The following SLC24A3 variants were observed in gnomAD, a reference collection of about 807,000 sequenced individuals.
SLC24A3 encodes the protein sodium/potassium/calcium exchanger 3.
In SLC24A3, 28 loss-of-function variants were observed where a neutral mutation model predicts 75.8. The observed-to-expected ratio is 0.37, with a 90% confidence interval of 0.27 to 0.51. The LOEUF (loss-of-function observed/expected upper bound fraction) is 0.51, where lower values mean the gene tolerates loss of function less well. Ranked by LOEUF, SLC24A3 falls within the 20% of genes least tolerant of loss-of-function variation. SLC24A3 has a pLI of 0.94. For synonymous variants in SLC24A3, 372 were observed against 334.1 expected (o/e 1.11, Z -1.24); for missense variants, 663 against 847.8 (o/e 0.78, Z 2.71).
intron 8 of SLC24A3, among the ~76,000 whole-genome samples, chr20:19,671,730 C>G (rs1468134741): frequency 2.6e-5 from 4 of 151,788 alleles, no homozygotes; most frequent in African/African-American, 4.8e-5. Flanking sequence ...ATTTAGACTT[C>G]CAGGTGCAGA....
intron 6 of SLC24A3, among the ~76,000 whole-genome samples, chr20:19,604,041 C>T (rs975057900): frequency 1.2e-4 from 19 of 152,178 alleles, no homozygotes; most frequent in Admixed American, 4.6e-4. Context: ...CTTACTCCAT[C>T]GGTGAGTATC....
intron 1 of SLC24A3, among the ~76,000 whole-genome samples, chr20:19,268,564 C>T (rs934373644): frequency 2.6e-5 from 4 of 152,208 alleles, no homozygotes; most frequent in Non-Finnish European, 5.9e-5. Flanking sequence ...GATTCAACTT[C>T]TCCAACAGCT....
At chr20:19,241,477 C>T (rs1280292222) in intron 1 of SLC24A3, among the ~76,000 whole-genome samples, 1 of 152,196 alleles carries the variant, frequency 6.6e-6, no homozygotes, top group African/African-American at 2.4e-5. Context: ...CTCCATTTCT[C>T]CATTCTTGCG....
intron 2 of SLC24A3, among the ~76,000 whole-genome samples, chr20:19,329,565 TTTGA>T (rs374684196): frequency 1.3e-5 from 2 of 152,372 alleles, no homozygotes; most frequent in African/African-American, 4.8e-5. Context: ...CATTATAATG[TTTGA>T]TTGTTTTATT....
chr20:19,303,253 A>T (rs1984240266), intron 2 of SLC24A3, among the ~76,000 whole-genome samples: 1 of 152,152 alleles, frequency 6.6e-6, no homozygotes, highest in Admixed American at 6.5e-5. Flanking sequence ...AAGTGAGAAT[A>T]TGCAGTATTT....
At chr20:19,658,300 C>T (rs2032288052) in intron 7 of SLC24A3, among the ~76,000 whole-genome samples, 1 of 152,072 alleles carries the variant, frequency 6.6e-6, no homozygotes, top group African/African-American at 2.4e-5. Context: ...GTCCTTAAGA[C>T]CTGGATTCAA....
chr20:19,306,525 A>G (rs1462149038), intron 2 of SLC24A3, among the ~76,000 whole-genome samples: 1 of 152,230 alleles, frequency 6.6e-6, no homozygotes, highest in Non-Finnish European at 1.5e-5. Flanking sequence ...CAGGCATAAA[A>G]AAGAATGAAA....
At chr20:19,323,853 GT>G (rs1251916176) in intron 2 of SLC24A3, among the ~76,000 whole-genome samples, 1 of 152,120 alleles carries the variant, frequency 6.6e-6, no homozygotes, top group Admixed American at 6.6e-5. Context: ...GTTTAAAAAA[GT>G]TTTTTTGATA....
At chr20:19,286,083 A>G (rs1983809817) in intron 2 of SLC24A3, among the ~76,000 whole-genome samples, 1 of 152,164 alleles carries the variant, frequency 6.6e-6, no homozygotes, top group African/African-American at 2.4e-5. Flanking sequence ...TCCCTTGATA[A>G]AGGATCATCC....
chr20:19,705,791 G>A (rs139802081), intron 15 of SLC24A3, among the ~76,000 whole-genome samples: 149 of 152,236 alleles, frequency 9.8e-4, no homozygotes, highest in African/African-American at 3.5e-3. Flanking sequence ...ATGGCATTAG[G>A]TTTAAGCATT....
intron 9 of SLC24A3, among the ~76,000 whole-genome samples, chr20:19,676,748 G>A (rs534621399): frequency 6.6e-6 from 1 of 152,316 alleles, no homozygotes; most frequent in Non-Finnish European, 1.5e-5. Context: ...AAACCTTCAA[G>A]GAGCATAAAG....
chr20:19,231,906 C>A (rs192317496), intron 1 of SLC24A3, among the ~76,000 whole-genome samples: 8 of 152,314 alleles, frequency 5.3e-5, no homozygotes, highest in Admixed American at 5.2e-4. Flanking sequence ...TTTATTAGCT[C>A]ATTTTATTGT....
chr20:19,282,951 A>G (rs148091648), intron 2 of SLC24A3, among the ~76,000 whole-genome samples: 1 of 152,306 alleles, frequency 6.6e-6, no homozygotes, highest in East Asian at 1.9e-4. Context: ...AGAAAAGAAA[A>G]TGTCTAGGTA....
At chr20:19,716,308 G>A (rs2033046104) in intron 15 of SLC24A3, among the ~76,000 whole-genome samples, 1 of 151,908 alleles carries the variant, frequency 6.6e-6, no homozygotes, top group African/African-American at 2.4e-5. Context: ...TTTGGCCTTT[G>A]TCAGCCAAGT....
chr20:19,688,248 G>C (rs778253510), intron 12 of SLC24A3, among the ~76,000 whole-genome samples: 1 of 152,194 alleles, frequency 6.6e-6, no homozygotes, highest in African/African-American at 2.4e-5. Flanking sequence ...TGACGCTGCT[G>C]GTCTGTGTGC....
intron 7 of SLC24A3, among the ~76,000 whole-genome samples, chr20:19,657,081 T>G (rs562800354): frequency 2.6e-5 from 4 of 152,190 alleles, no homozygotes; most frequent in Non-Finnish European, 5.9e-5. Context: ...ACTCCATATT[T>G]CATTCAGACA....
chr20:19,677,686 C>CTTTTTTT (rs796484728), intron 9 of SLC24A3, among the ~76,000 whole-genome samples: 16 of 113,896 alleles, frequency 1.4e-4, no homozygotes, highest in Non-Finnish European at 2.2e-4. Flanking sequence ...TTTTTTTTTT[C>CTTTTTTT]TTTTTTTTTT....
chr20:19,380,601 G>A (rs1449527923), intron 2 of SLC24A3, among the ~76,000 whole-genome samples: 1 of 152,106 alleles, frequency 6.6e-6, no homozygotes, highest in Non-Finnish European at 1.5e-5. Context: ...TGGGTTTGGG[G>A]GCTCTTGGCT....
rs571880302 is a variant in SLC24A3, at chr20:19,522,856, C to T, written c.348+7292C>T. ...GGGGTATAATGTGATGTTGTAATTA[C>T]ATTGTAGAATAAGCAAATCAGGCTA... is the stretch of plus-strand genomic sequence containing the variant. On this transcript the variant is annotated intron_variant, in intron 3 of 16. Transcript: ENST00000328041. Among the ~76,000 whole-genome samples the T allele has an allele frequency of 5.9e-5, 9 of 151,824 alleles. No homozygotes were observed. The East Asian group carries it at 1.7e-3, about 29-fold the overall frequency.
Sources: gnomAD v4.1 joint callset for allele counts (sites outside exome capture counted in the v4.1 genomes callset) on GRCh38, gnomAD v4.1.1 for gene constraint, MANE v1.5 for transcripts, NCBI Gene and HGNC (gene_info 2026-07-23, HGNC 2026-07-21) for gene names.